PAPSS1: variants seen among roughly 807,000 people sequenced by gnomAD.
PAPSS1 encodes 3'-phosphoadenosine 5'-phosphosulfate synthase 1.
A neutral mutation model predicts 72.0 loss-of-function variants in PAPSS1; 50 were observed. The ratio of observed to expected loss-of-function variants is 0.69; its 90% CI spans 0.55 to 0.88. The LOEUF (loss-of-function observed/expected upper bound fraction) is 0.88, where lower values mean the gene tolerates loss of function less well. Among genes scored for constraint, PAPSS1 ranks in the 40% least tolerant of loss-of-function variants. PAPSS1 has a pLI of 0.00. For synonymous variants in PAPSS1, 261 were observed against 263.6 expected, an observed-to-expected ratio of 0.99 and a Z score of 0.09; for missense variants, 657 against 782.2, an observed-to-expected ratio of 0.84 and a Z score of 1.91.
intron 6 of PAPSS1, 59 bp from the exon 7 acceptor site, chr4:107,657,066 G>A (rs1727034042): frequency 1.9e-6 from 2 of 1,027,460 alleles, no homozygotes; most frequent in Non-Finnish European, 3.1e-6. Flanking sequence ...AGCAAAAGCA[G>A]TGATGACCTT....
intron 3 of PAPSS1, among the ~76,000 whole-genome samples, chr4:107,689,765 C>A (rs763705654): frequency 6.6e-6 from 1 of 152,108 alleles, no homozygotes; most frequent in Non-Finnish European, 1.5e-5. Context: ...AACTCTAAAA[C>A]CAATTTCCTA....
intron 11 of PAPSS1, among the ~76,000 whole-genome samples, chr4:107,617,647 C>G (rs1322039124): frequency 1.3e-5 from 2 of 152,160 alleles, no homozygotes; most frequent in African/African-American, 4.8e-5. Context: ...GATAGACATA[C>G]ACATTCAACT....
At chr4:107,705,597 C>A (rs1202230297) in intron 1 of PAPSS1, among the ~76,000 whole-genome samples, 4 of 152,206 alleles carry the variant, frequency 2.6e-5, no homozygotes, top group Non-Finnish European at 1.5e-5. Flanking sequence ...TACAGACTGG[C>A]ATTAATCTTT....
chr4:107,677,477 C>A (rs1291993615), intron 5 of PAPSS1, among the ~76,000 whole-genome samples: 1 of 152,116 alleles, frequency 6.6e-6, no homozygotes, highest in Non-Finnish European at 1.5e-5. Context: ...AAATCAAAAC[C>A]ACAATGAGAT....
chr4:107,625,469 C>T (rs1029611210), intron 11 of PAPSS1, among the ~76,000 whole-genome samples: 1 of 152,088 alleles, frequency 6.6e-6, no homozygotes, highest in Non-Finnish European at 1.5e-5. Context: ...CCAAAAGTGG[C>T]CTCTAGGAGC....
At chr4:107,635,893 G>T (rs1030075164) in intron 10 of PAPSS1, among the ~76,000 whole-genome samples, 1 of 152,134 alleles carries the variant, frequency 6.6e-6, no homozygotes, top group African/African-American at 2.4e-5. Flanking sequence ...CATGGACTTG[G>T]TGACATAGGT....
intron 5 of PAPSS1, 124 bp from the exon 6 acceptor site, chr4:107,660,196 GTGCTATGTT>G: frequency 1.7e-6 from 1 of 577,124 alleles, no homozygotes. Flanking sequence ...AAGGCTGTGA[GTGCTATGTT>G]CCCCTCAACC....
intron 11 of PAPSS1, among the ~76,000 whole-genome samples, chr4:107,621,254 A>C (rs1338611424): frequency 1.3e-5 from 2 of 152,200 alleles, no homozygotes; most frequent in Non-Finnish European, 2.9e-5. Context: ...ATACTGACAA[A>C]GAGCCATTAA....
chr4:107,635,414 T>C (rs570899617), intron 10 of PAPSS1, among the ~76,000 whole-genome samples: 2 of 152,290 alleles, frequency 1.3e-5, no homozygotes, highest in South Asian at 4.1e-4. Context: ...ACTAAAAGAA[T>C]TAAAGAGAAA....
chr4:107,654,466 G>GCAT (rs1452343849), intron 8 of PAPSS1, among the ~76,000 whole-genome samples: 1 of 152,100 alleles, frequency 6.6e-6, no homozygotes, highest in Non-Finnish European at 1.5e-5. Flanking sequence ...TCAGCACCTA[G>GCAT]CTCAGTGCCA....
intron 9 of PAPSS1, among the ~76,000 whole-genome samples, chr4:107,651,692 C>G (rs1212183193): frequency 2.0e-5 from 3 of 152,098 alleles, no homozygotes; most frequent in African/African-American, 7.2e-5. Flanking sequence ...GAAGCCACCC[C>G]CATGATTCAA....
chr4:107,626,818 T>C (rs1282933658), intron 11 of PAPSS1, among the ~76,000 whole-genome samples: 2 of 152,178 alleles, frequency 1.3e-5, no homozygotes, highest in African/African-American at 4.8e-5. Context: ...TTAATCACTT[T>C]CCAACGTATT....
intron 8 of PAPSS1, 108 bp downstream of exon 8, chr4:107,654,587 C>T: frequency 1.1e-6 from 1 of 886,178 alleles, no homozygotes; most frequent in South Asian, 1.5e-5. Flanking sequence ...CTCTACTATG[C>T]AAAATATTAA....
At chr4:107,621,955 A>G (rs1725976289) in intron 11 of PAPSS1, among the ~76,000 whole-genome samples, 1 of 152,086 alleles carries the variant, frequency 6.6e-6, no homozygotes, top group Non-Finnish European at 1.5e-5. Flanking sequence ...GAGTGAGCAC[A>G]AATGGCTGGG....
At position 107,647,131 on chromosome 4, in the gene PAPSS1, C is replaced by T. The variant is rs115148960; in HGVS notation, c.1238-2061G>A. On this transcript the variant is annotated intron_variant, in intron 9 of 11. Coordinates refer to ENST00000265174, the MANE Select transcript of PAPSS1 (RefSeq NM_005443.5). Reference sequence around the variant, plus strand: ...CTGAGGGAGTAGTAAAACTGGCCTACCCTCCAGGGGCTTACAGTCTAGTCA... The same window carrying T: ...CTGAGGGAGTAGTAAAACTGGCCTATCCTCCAGGGGCTTACAGTCTAGTCA... Among the ~76,000 whole-genome samples the T allele has an allele frequency of 7.2e-3, 1,095 of 152,286 alleles. 10 individuals carry two copies. The highest frequency in any genetic ancestry group is 0.013 in the Non-Finnish European group (852 of 68,026).
intron 1 of PAPSS1, among the ~76,000 whole-genome samples, chr4:107,713,657 C>T (rs1400814290): frequency 2.6e-5 from 4 of 151,728 alleles, no homozygotes; most frequent in Non-Finnish European, 4.4e-5. Context: ...ACTCGGGAGG[C>T]TGAGGCAGGA....
At chr4:107,661,847 C>T (rs1727191042) in intron 5 of PAPSS1, among the ~76,000 whole-genome samples, 1 of 152,168 alleles carries the variant, frequency 6.6e-6, no homozygotes, top group Non-Finnish European at 1.5e-5. Context: ...AGCCAGATGA[C>T]TTCATGAAAG....
At chr4:107,628,969 G>A (rs1233991252) in intron 11 of PAPSS1, among the ~76,000 whole-genome samples, 8 of 152,178 alleles carry the variant, frequency 5.3e-5, no homozygotes, top group Admixed American at 4.6e-4. Flanking sequence ...ATACAATTCT[G>A]TCAGTCAAAG....
At chr4:107,708,949 CATGTTCA>C (rs1188817823) in intron 1 of PAPSS1, among the ~76,000 whole-genome samples, 1 of 152,172 alleles carries the variant, frequency 6.6e-6, no homozygotes, top group Non-Finnish European at 1.5e-5. Flanking sequence ...CTGTTCAAAC[CATGTTCA>C]AATAAGTCAA....
Sources: gnomAD v4.1 joint callset for allele counts (sites outside exome capture counted in the v4.1 genomes callset) on GRCh38, gnomAD v4.1.1 for gene constraint, MANE v1.5 for transcripts, NCBI Gene and HGNC (gene_info 2026-07-23, HGNC 2026-07-21) for gene names.